Variants in ZFHX3 observed in about 807,000 individuals in gnomAD.
ZFHX3 encodes zinc finger homeobox protein 3.
ZFHX3 carries 42 observed loss-of-function variants against 279.1 expected under a neutral mutation model. The ratio of observed to expected loss-of-function variants is 0.15; its 90% CI spans 0.12 to 0.19. The LOEUF is 0.19. Ranked by LOEUF, ZFHX3 falls within the 10% of genes least tolerant of loss-of-function variation. The pLI is 1.00. For synonymous variants in ZFHX3, 2,293 were observed against 1,957.8 expected (o/e 1.17, Z -4.52); for missense variants, 4,981 against 4,754.0 (o/e 1.05, Z -1.40).
chr16:73,350,361 T>C (rs2016215921), intron 3 of ZFHX3, among the ~76,000 whole-genome samples: 2 of 152,198 alleles, frequency 1.3e-5, no homozygotes, highest in African/African-American at 4.8e-5. Flanking sequence ...TTGCTGACAG[T>C]GTGCACGGCC....
chr16:73,013,974 G>A (rs1304909710), intron 1 of ZFHX3, among the ~76,000 whole-genome samples: 1 of 152,200 alleles, frequency 6.6e-6, no homozygotes, highest in Non-Finnish European at 1.5e-5. Flanking sequence ...ATGCGATCAA[G>A]TGAAGGATCT....
intron 3 of ZFHX3, among the ~76,000 whole-genome samples, chr16:72,930,821 A>G (rs1959753214): frequency 6.6e-6 from 1 of 152,242 alleles, no homozygotes; most frequent in African/African-American, 2.4e-5. Flanking sequence ...AAGAAATGCA[A>G]AAGACTTGTA....
At chr16:73,870,895 T>C (rs868348304) in intron 1 of ZFHX3, among the ~76,000 whole-genome samples, 1 of 152,146 alleles carries the variant, frequency 6.6e-6, no homozygotes, top group Non-Finnish European at 1.5e-5. Flanking sequence ...TAGATCACCA[T>C]AAAACCAACA....
intron 1 of ZFHX3, among the ~76,000 whole-genome samples, chr16:73,038,233 C>G (rs565356363): frequency 7.2e-5 from 11 of 152,220 alleles, no homozygotes; most frequent in Admixed American, 7.2e-4. Flanking sequence ...CCCCCACCCC[C>G]CCAACTATCC....
intron 3 of ZFHX3, among the ~76,000 whole-genome samples, chr16:73,425,914 G>T (rs553655649): frequency 2.0e-5 from 3 of 146,602 alleles, no homozygotes; most frequent in Non-Finnish European, 4.6e-5. Context: ...ACCCGTGAAA[G>T]AAAAATAAAG....
intron 6 of ZFHX3, chr16:73,137,499 C>T (rs1239719202): frequency 1.3e-5 from 2 of 151,928 alleles, no homozygotes; most frequent in African/African-American, 2.4e-5. Flanking sequence ...ATTTTGTTTC[C>T]GTTTTAGTTT....
intron 1 of ZFHX3, among the ~76,000 whole-genome samples, chr16:73,800,994 T>C (rs1311063132): frequency 2.6e-5 from 4 of 152,078 alleles, no homozygotes; most frequent in Non-Finnish European, 4.4e-5. Context: ...CCCTTTAGAG[T>C]GCAATAACTA....
intron 1 of ZFHX3, among the ~76,000 whole-genome samples, chr16:73,721,937 C>T (rs926270807): frequency 1.3e-5 from 2 of 152,054 alleles, no homozygotes; most frequent in Non-Finnish European, 2.9e-5. Context: ...CCCAGCTACT[C>T]GGGAGACTGA....
chr16:73,230,601 T>A (rs745734802), intron 5 of ZFHX3, among the ~76,000 whole-genome samples: 15 of 152,204 alleles, frequency 9.9e-5, no homozygotes, highest in Non-Finnish European at 1.3e-4. Flanking sequence ...AGTCATCCCT[T>A]TTTGCCTCTT....
At chr16:72,983,098 G>A (rs539852758) in intron 1 of ZFHX3, among the ~76,000 whole-genome samples, 1 of 152,274 alleles carries the variant, frequency 6.6e-6, no homozygotes, top group South Asian at 2.1e-4. Context: ...TTCTATGGGT[G>A]TGAGCAGTTT....
chr16:73,683,537 A>C (rs2053048504), intron 1 of ZFHX3, among the ~76,000 whole-genome samples: 1 of 152,052 alleles, frequency 6.6e-6, no homozygotes, highest in East Asian at 1.9e-4. Flanking sequence ...ACCATGCGAC[A>C]TGTTTTGGGA....
intron 1 of ZFHX3, among the ~76,000 whole-genome samples, chr16:73,755,280 G>A (rs75584426): frequency 0.011 from 1,748 of 152,114 alleles, 15 homozygotes; most frequent in South Asian, 0.026. Context: ...ACCTGTTTAC[G>A]TTGGATATAA....
At chr16:73,143,733 CA>C in intron 6 of ZFHX3, 1 of 1,304,206 alleles carries the variant, frequency 7.7e-7, no homozygotes, top group African/African-American at 1.5e-5. Flanking sequence ...CATTGAGAAA[CA>C]AGAAAGCTGG....
intron 4 of ZFHX3, among the ~76,000 whole-genome samples, chr16:73,287,615 AGTGTGTGGCTGTGTGGATTG>A (rs1415409751): frequency 9.2e-5 from 8 of 86,544 alleles, no homozygotes; most frequent in South Asian, 3.6e-4. Context: ...TGTGTGGGTC[AGTGTGTGGCTGTGTGGATTG>A]GTGTGTGGCT....
chr16:73,638,458 A>T (rs1013569246), intron 2 of ZFHX3, among the ~76,000 whole-genome samples: 2 of 152,222 alleles, frequency 1.3e-5, no homozygotes, highest in Non-Finnish European at 2.9e-5. Context: ...TACAGTATAA[A>T]GGTTGTCACC....
chr16:73,591,151 G>C (rs551408412), intron 2 of ZFHX3, among the ~76,000 whole-genome samples: 1 of 149,324 alleles, frequency 6.7e-6, no homozygotes, highest in Non-Finnish European at 1.5e-5. Context: ...AGGAGTTCGA[G>C]ATCAGCCTGA....
At chr16:72,842,458 G>A (rs571616977) in intron 4 of ZFHX3, among the ~76,000 whole-genome samples, 1 of 152,276 alleles carries the variant, frequency 6.6e-6, no homozygotes, top group Non-Finnish European at 1.5e-5. Flanking sequence ...ACAAATGAAA[G>A]GTTATGCTTC....
intron 1 of ZFHX3, among the ~76,000 whole-genome samples, chr16:73,871,389 G>C: frequency 6.6e-6 from 1 of 152,102 alleles, no homozygotes; most frequent in Non-Finnish European, 1.5e-5. Context: ...TCTTGTGAGA[G>C]GAGAGGCAAT....
rs532424171 is a variant in ZFHX3, at chr16:73,264,728, C to T, written c.-1193-7592G>A. Among the ~76,000 whole-genome samples, 31 of 152,214 alleles carry T rather than the reference C, an allele frequency of 2.0e-4. No homozygotes were observed. In the South Asian group the frequency reaches 6.4e-3, roughly 32 times the overall value. ...CCAGTTTCTAGTCCTTTATCTCTTACATCCTTCCCAAGCTTTCCCCCTGAG... is the reference window on the plus strand; with the variant it reads ...CCAGTTTCTAGTCCTTTATCTCTTATATCCTTCCCAAGCTTTCCCCCTGAG... On this transcript the variant is annotated intron_variant, in intron 4 of 17. Transcript: ENST00000641206.
Sources: gnomAD v4.1 joint callset for allele counts (sites outside exome capture counted in the v4.1 genomes callset) on GRCh38, gnomAD v4.1.1 for gene constraint, MANE v1.5 for transcripts, NCBI Gene and HGNC (gene_info 2026-07-23, HGNC 2026-07-21) for gene names.